MYRFL: variants seen among roughly 807,000 people sequenced by gnomAD.
The protein encoded by MYRFL is myelin regulatory factor like, also known as myelin regulatory factor-like protein.
In MYRFL, 88 loss-of-function variants were observed where a neutral mutation model predicts 109.4. That is an observed-to-expected ratio of 0.80 (90% CI 0.68 to 0.96). The LOEUF (loss-of-function observed/expected upper bound fraction) is 0.96. MYRFL is among the 40% of genes least tolerant of loss of function. MYRFL has a pLI of 0.00. For missense variants in MYRFL, 957 were observed against 954.9 expected (o/e 1.00, Z -0.03); for synonymous variants, 324 against 320.9 (o/e 1.01, Z -0.10).
rs1954160627 is a variant in MYRFL, at chr12:69,900,872, G to GC, written c.1183-2771dup. ...CCTGGAATTGTGCAACTCTGCAGGT[G>GC]CGTTGCTGAGGAGAGCAGATGAAGC... On this transcript the variant is annotated intron_variant, in intron 10 of 24. Transcript: ENST00000552032. Among the ~76,000 whole-genome samples the GC allele has an allele frequency of 2.6e-5, 4 of 152,328 alleles. No homozygotes were observed. In the South Asian group the frequency reaches 8.3e-4, roughly 32 times the overall value.
intron 10 of MYRFL, among the ~76,000 whole-genome samples, chr12:69,898,559 C>A (rs1248276834): frequency 6.6e-6 from 1 of 152,182 alleles, no homozygotes; most frequent in Non-Finnish European, 1.5e-5. Context: ...TTGATGTAAT[C>A]TGGAATTGCC....
At position 69,861,423 on chromosome 12, in the gene MYRFL, T is replaced by G. The variant is rs1465834936; in HGVS notation, c.137+6053T>G. ...CTCCAGCATCTGTTGTTTCCTGACTTTTTAATGATTGCCATTCTAACTGGT... is the reference window on the plus strand; with the variant it reads ...CTCCAGCATCTGTTGTTTCCTGACTGTTTAATGATTGCCATTCTAACTGGT... On this transcript the variant is annotated intron_variant, in intron 2 of 24. Coordinates refer to ENST00000552032, the MANE Select transcript of MYRFL (RefSeq NM_182530.3). Among the ~76,000 whole-genome samples, 116 of 152,300 alleles carry G rather than the reference T, an allele frequency of 7.6e-4. 1 individual carries two copies. Among genetic ancestry groups the G allele is most frequent in the African/African-American group, 2.4e-3 (98 of 41,540 alleles).
chr12:69,828,313 G>A (rs894527647), intron 1 of MYRFL, among the ~76,000 whole-genome samples: 1 of 151,952 alleles, frequency 6.6e-6, no homozygotes, highest in East Asian at 1.9e-4. Flanking sequence ...TATGTTCTTG[G>A]GGGATCAATA....
At chr12:69,953,745 G>A (rs1272806782) in intron 21 of MYRFL, among the ~76,000 whole-genome samples, 1 of 146,468 alleles carries the variant, frequency 6.8e-6, no homozygotes, top group Non-Finnish European at 1.5e-5. Context: ...CTCCAGCCTG[G>A]ATGACAAAGT....
At chr12:69,864,771 T>C (rs1325082922) in intron 2 of MYRFL, among the ~76,000 whole-genome samples, 1 of 151,958 alleles carries the variant, frequency 6.6e-6, no homozygotes, top group Non-Finnish European at 1.5e-5. Flanking sequence ...TGAACTCAGA[T>C]CCTAATTGCC....
At chr12:69,927,822 A>AT (rs1566031946) in intron 15 of MYRFL, 74 bp downstream of exon 15, 3 of 1,347,772 alleles carry the variant, frequency 2.2e-6, no homozygotes, top group African/African-American at 1.5e-5. Context: ...TCAGTCAAGA[A>AT]TTTTTTTCTC....
intron 19 of MYRFL, among the ~76,000 whole-genome samples, chr12:69,941,396 A>AGTTGG (rs1955637892): frequency 4.1e-5 from 2 of 49,380 alleles, no homozygotes; most frequent in African/African-American, 8.1e-5. Flanking sequence ...AAAACCGCTC[A>AGTTGG]ACTACATGGA....
At chr12:69,891,625 TCC>T (rs1555249342) in intron 7 of MYRFL, among the ~76,000 whole-genome samples, 1 of 27,176 alleles carries the variant, frequency 3.7e-5, no homozygotes, top group Non-Finnish European at 7.5e-5. Context: ...CTTTCTTTCC[TCC>T]TTCCTTTCTT....
At chr12:69,855,906 T>C (rs980368887) in intron 2 of MYRFL, among the ~76,000 whole-genome samples, 4 of 152,174 alleles carry the variant, frequency 2.6e-5, no homozygotes, top group African/African-American at 9.6e-5. Context: ...ATTTCTGCTC[T>C]TATTTTCTGG....
chr12:69,927,337 T>C (rs1955128898), intron 14 of MYRFL, among the ~76,000 whole-genome samples: 1 of 151,914 alleles, frequency 6.6e-6, no homozygotes, highest in Non-Finnish European at 1.5e-5. Flanking sequence ...AAGGGTGGCT[T>C]CTCCTTTAAT....
At chr12:69,940,849 C>A (rs1266432765) in intron 19 of MYRFL, among the ~76,000 whole-genome samples, 1 of 121,078 alleles carries the variant, frequency 8.3e-6, no homozygotes, top group African/African-American at 3.2e-5. Flanking sequence ...ATCTACCAAG[C>A]AAATGGAAAA....
chr12:69,841,613 G>T (rs1458006827), intron 1 of MYRFL, among the ~76,000 whole-genome samples: 1 of 152,152 alleles, frequency 6.6e-6, no homozygotes, highest in Admixed American at 6.5e-5. Context: ...CACCACACCA[G>T]GTCAGACTTT....
At chr12:69,867,367 T>C (rs1472952203) in intron 2 of MYRFL, among the ~76,000 whole-genome samples, 1 of 152,108 alleles carries the variant, frequency 6.6e-6, no homozygotes, top group African/African-American at 2.4e-5. Flanking sequence ...AAGGTAAGGG[T>C]CTAGAAAAGA....
At chr12:69,906,556 A>G (rs2120373352) in intron 11 of MYRFL, among the ~76,000 whole-genome samples, 1 of 146,940 alleles carries the variant, frequency 6.8e-6, no homozygotes, top group Non-Finnish European at 1.5e-5. Flanking sequence ...ATATTAAAAA[A>G]TTCAAGCCAG....
chr12:69,936,213 C>A, intron 17 of MYRFL, 26 bp downstream of exon 17: 1 of 1,531,744 alleles, frequency 6.5e-7, no homozygotes, highest in Non-Finnish European at 8.7e-7. Context: ...AATTTTCTGG[C>A]CTAAAATTCC....
At chr12:69,848,097 A>T (rs1309489735) in intron 1 of MYRFL, among the ~76,000 whole-genome samples, 1 of 152,118 alleles carries the variant, frequency 6.6e-6, no homozygotes, top group Non-Finnish European at 1.5e-5. Context: ...TGGACATAAA[A>T]TGATACATCT....
rs1159980558 is a variant in MYRFL at position 69,958,305 on chromosome 12, T to C, written c.2628T>C (p.His876=). 6 of 1,536,568 alleles carry C rather than the reference T, an allele frequency of 3.9e-6. No individual in the cohort carries two copies. The highest frequency in any genetic ancestry group is 4.9e-5 in the East Asian group (2 of 40,928). ...PVAPFSDSMF[H]FRVAAPDLAD... ...CCCCATTTTCTGACAGCATGTTCCATTTCCGTGTAGCTGCACCGGTAAGCT... is the reference window on the plus strand; with the variant it reads ...CCCCATTTTCTGACAGCATGTTCCACTTCCGTGTAGCTGCACCGGTAAGCT... The change falls in exon 24 of 25, where the codon CAT becomes CAC. Residue 876 remains histidine (H), a synonymous_variant. Coordinates refer to ENST00000552032, the MANE Select transcript of MYRFL (RefSeq NM_182530.3).
At chr12:69,927,560 G>C in intron 14 of MYRFL, 125 bp from the exon 15 acceptor site, 1 of 674,856 alleles carries the variant, frequency 1.5e-6, no homozygotes, top group Non-Finnish European at 2.4e-6. Context: ...ATGACTTTTT[G>C]TTTTCAAAAT....
In MYRFL at chr12:69,905,188, A is replaced by C. The variant is rs1036565394; in HGVS notation, c.1383+1344A>C. Among the ~76,000 whole-genome samples, 16 of 152,334 alleles carry C rather than the reference A, an allele frequency of 1.1e-4. No homozygotes were observed. The South Asian group carries it at 2.5e-3, about 24-fold the overall frequency. On this transcript the variant is annotated intron_variant, in intron 11 of 24. Coordinates refer to ENST00000552032, the MANE Select transcript of MYRFL (RefSeq NM_182530.3). ...AATTTATCCTTGCAATTGGCTATAC[A>C]ATTCACTACCAAGTCTTACTAAAAT...
Sources: allele counts gnomAD v4.1 joint callset (sites outside exome capture counted in the v4.1 genomes callset), GRCh38; gene constraint gnomAD v4.1.1; transcripts MANE v1.5; gene names NCBI Gene and HGNC (gene_info 2026-07-23, HGNC 2026-07-21).